Variants in MACROD2 observed in about 807,000 individuals in gnomAD.
The protein encoded by MACROD2 is ADP-ribose glycohydrolase MACROD2.
In MACROD2, 36 loss-of-function variants were observed where a neutral mutation model predicts 70.4. That is an observed-to-expected ratio of 0.51 (90% CI 0.39 to 0.68). MACROD2 has a LOEUF of 0.68. MACROD2 is among the 30% of genes least tolerant of loss of function. The pLI, the probability that MACROD2 is intolerant of heterozygous loss-of-function variation, is 0.00. For synonymous variants in MACROD2, 172 were observed against 178.8 expected, an observed-to-expected ratio of 0.96 and a Z score of 0.30; for missense variants, 496 against 538.4, an observed-to-expected ratio of 0.92 and a Z score of 0.78.
chr20:14,895,999 G>A (rs548075704), intron 5 of MACROD2, among the ~76,000 whole-genome samples: 10 of 152,270 alleles, frequency 6.6e-5, no homozygotes, highest in African/African-American at 2.2e-4. Context: ...AATTCAACAA[G>A]TAACATTTGG....
At chr20:14,220,508 G>C (rs2081662339) in intron 3 of MACROD2, among the ~76,000 whole-genome samples, 2 of 152,132 alleles carry the variant, frequency 1.3e-5, no homozygotes, top group African/African-American at 4.8e-5. Flanking sequence ...TGTGGAGTCT[G>C]CACACTGAAT....
chr20:14,043,550 A>G (rs982405974), intron 2 of MACROD2, among the ~76,000 whole-genome samples: 3 of 152,240 alleles, frequency 2.0e-5, no homozygotes, highest in African/African-American at 7.2e-5. Flanking sequence ...AGAACTGTGT[A>G]GAAATGTGAT....
At chr20:15,827,787 C>T (rs2147112252) in intron 8 of MACROD2, among the ~76,000 whole-genome samples, 1 of 152,292 alleles carries the variant, frequency 6.6e-6, no homozygotes, top group Non-Finnish European at 1.5e-5. Context: ...CCCTAACTAG[C>T]CATTTGCATA....
intron 5 of MACROD2, among the ~76,000 whole-genome samples, chr20:15,151,752 C>G (rs1378894116): frequency 1.3e-5 from 2 of 152,016 alleles, no homozygotes; most frequent in Non-Finnish European, 1.5e-5. Flanking sequence ...GCTCTAGCCA[C>G]CTTTTTAAGA....
chr20:15,969,572 T>C (rs1353318733), intron 13 of MACROD2, among the ~76,000 whole-genome samples: 1 of 152,198 alleles, frequency 6.6e-6, no homozygotes, highest in Non-Finnish European at 1.5e-5. Context: ...AATTTATGAC[T>C]GAACATCATA....
chr20:14,662,426 A>T (rs1167887238), intron 4 of MACROD2, among the ~76,000 whole-genome samples: 1 of 151,592 alleles, frequency 6.6e-6, no homozygotes, highest in Non-Finnish European at 1.5e-5. Context: ...ACATAGAAAC[A>T]GGAAAATATT....
chr20:15,173,088 CT>C (rs1256805289), intron 5 of MACROD2, among the ~76,000 whole-genome samples: 1 of 151,850 alleles, frequency 6.6e-6, no homozygotes, highest in Non-Finnish European at 1.5e-5. Flanking sequence ...GTGTGTTAAA[CT>C]TTTTTTATCT....
chr20:14,791,752 T>C (rs2072453770), intron 5 of MACROD2, among the ~76,000 whole-genome samples: 1 of 151,924 alleles, frequency 6.6e-6, no homozygotes, highest in South Asian at 2.1e-4. Flanking sequence ...AAATCAAAAC[T>C]GGTATAATAA....
At chr20:14,421,722 T>C (rs1435349586) in intron 3 of MACROD2, among the ~76,000 whole-genome samples, 1 of 152,180 alleles carries the variant, frequency 6.6e-6, no homozygotes, top group African/African-American at 2.4e-5. Flanking sequence ...ATTTTCCTTC[T>C]GTTAGTGATT....
At chr20:14,812,872 A>T (rs1296493348) in intron 5 of MACROD2, among the ~76,000 whole-genome samples, 1 of 151,940 alleles carries the variant, frequency 6.6e-6, no homozygotes, top group Non-Finnish European at 1.5e-5. Flanking sequence ...GTCCCACAAG[A>T]CTGCCTCCCA....
intron 2 of MACROD2, among the ~76,000 whole-genome samples, chr20:14,052,431 A>T (rs1017207553): frequency 2.6e-5 from 4 of 152,214 alleles, no homozygotes; most frequent in Non-Finnish European, 1.5e-5. Flanking sequence ...TATTTTTAAT[A>T]CAAATCTTAT....
At chr20:14,973,854 A>G (rs1346957937) in intron 5 of MACROD2, among the ~76,000 whole-genome samples, 2 of 152,176 alleles carry the variant, frequency 1.3e-5, no homozygotes, top group Non-Finnish European at 2.9e-5. Flanking sequence ...CATTTTTACT[A>G]TTAAAATAGA....
intron 8 of MACROD2, among the ~76,000 whole-genome samples, chr20:15,719,001 C>A (rs2050746164): frequency 6.6e-6 from 1 of 152,260 alleles, no homozygotes; most frequent in South Asian, 2.1e-4. Context: ...GATTATTAAA[C>A]AGTTTTCTAA....
chr20:14,831,955 TGAGACCAG>T, intron 5 of MACROD2, among the ~76,000 whole-genome samples: 1 of 141,586 alleles, frequency 7.1e-6, no homozygotes, highest in Non-Finnish European at 1.6e-5. Flanking sequence ...TGGGTCCCCT[TGAGACCAG>T]TGTTGCAACC....
chr20:15,909,494 A>G (rs1385430211), intron 10 of MACROD2, among the ~76,000 whole-genome samples: 2 of 151,256 alleles, frequency 1.3e-5, no homozygotes, highest in Non-Finnish European at 2.9e-5. Context: ...TCAGTATCAT[A>G]CACATAAGTA....
intron 8 of MACROD2, among the ~76,000 whole-genome samples, chr20:15,653,355 C>A (rs1179886533): frequency 6.6e-6 from 1 of 152,190 alleles, no homozygotes; most frequent in African/African-American, 2.4e-5. Flanking sequence ...AATATATGGA[C>A]ATGTGACTAA....
intron 5 of MACROD2, among the ~76,000 whole-genome samples, chr20:14,981,452 A>ATATATG (rs1483652688): frequency 5.7e-5 from 8 of 140,176 alleles, no homozygotes; most frequent in African/African-American, 2.1e-4. Flanking sequence ...ATATATATAT[A>ATATATG]TGTGTGTGTG....
chr20:15,303,505 A>T (rs1011550149), intron 6 of MACROD2, among the ~76,000 whole-genome samples: 1 of 152,204 alleles, frequency 6.6e-6, no homozygotes, highest in Non-Finnish European at 1.5e-5. Flanking sequence ...AATGGCTCTT[A>T]TAGCCATCCT....
chr20:15,636,081 A>AAAAAAAAAAG (rs2049361250), intron 8 of MACROD2, among the ~76,000 whole-genome samples: 1 of 141,386 alleles, frequency 7.1e-6, no homozygotes, highest in Non-Finnish European at 1.5e-5. Context: ...CAAAAGAAAA[A>AAAAAAAAAAG]AAAAAAAAAA....
Sources: allele counts gnomAD v4.1 joint callset (sites outside exome capture counted in the v4.1 genomes callset), GRCh38; gene constraint gnomAD v4.1.1; transcripts MANE v1.5; gene names NCBI Gene and HGNC (gene_info 2026-07-23, HGNC 2026-07-21).